Variants in STXBP5L observed in about 807,000 individuals in gnomAD.
The protein encoded by STXBP5L is syntaxin binding protein 5L.
A neutral mutation model predicts 144.5 loss-of-function variants in STXBP5L; 65 were observed. The ratio of observed to expected loss-of-function variants is 0.45; its 90% confidence interval spans 0.37 to 0.55. The LOEUF is 0.55. STXBP5L is among the 20% of genes least tolerant of loss of function. The pLI is 0.00. For synonymous variants in STXBP5L, 505 were observed against 469.6 expected (o/e 1.08, Z -0.97); for missense variants, 1,298 against 1,405.5 (o/e 0.92, Z 1.22).
chr3:121,352,357 A>C (rs967961661), intron 20 of STXBP5L, among the ~76,000 whole-genome samples: 6 of 151,946 alleles, frequency 3.9e-5, no homozygotes, highest in South Asian at 2.1e-4. Context: ...TCTTTATTTC[A>C]TTGAGCAGTG....
chr3:121,288,688 CATTT>C, intron 19 of STXBP5L, among the ~76,000 whole-genome samples: 1 of 151,940 alleles, frequency 6.6e-6, no homozygotes, highest in African/African-American at 2.4e-5. Flanking sequence ...TTAATAAAAT[CATTT>C]TTTTTGTTAC....
At chr3:121,106,814 G>T (rs1489374507) in intron 5 of STXBP5L, among the ~76,000 whole-genome samples, 3 of 151,884 alleles carry the variant, frequency 2.0e-5, no homozygotes, top group South Asian at 2.1e-4. Flanking sequence ...TTGAGGAATT[G>T]TCACACTGTC....
intron 3 of STXBP5L, among the ~76,000 whole-genome samples, chr3:121,040,620 T>G (rs1426401625): frequency 6.6e-6 from 1 of 152,062 alleles, no homozygotes; most frequent in Non-Finnish European, 1.5e-5. Context: ...TGTCACATTT[T>G]CTTCTTTGCT....
chr3:121,168,305 G>A (rs577496580), intron 9 of STXBP5L, among the ~76,000 whole-genome samples: 8 of 152,200 alleles, frequency 5.3e-5, no homozygotes, highest in East Asian at 3.9e-4. Flanking sequence ...ACAACACCTC[G>A]CTAGCAAGGG....
intron 5 of STXBP5L, among the ~76,000 whole-genome samples, chr3:121,083,331 G>T (rs568226239): frequency 6.6e-6 from 1 of 152,064 alleles, no homozygotes; most frequent in Admixed American, 6.6e-5. Flanking sequence ...AAATTTGAAC[G>T]TTTTCCCTCT....
At chr3:121,309,444 G>T (rs2043452880) in intron 19 of STXBP5L, among the ~76,000 whole-genome samples, 1 of 151,972 alleles carries the variant, frequency 6.6e-6, no homozygotes, top group Non-Finnish European at 1.5e-5. Flanking sequence ...ATCAAGATGA[G>T]ACAATAATTA....
At chr3:121,149,537 A>C (rs2107974199) in intron 7 of STXBP5L, among the ~76,000 whole-genome samples, 1 of 152,188 alleles carries the variant, frequency 6.6e-6, no homozygotes, top group Non-Finnish European at 1.5e-5. Context: ...AAAATAAAGT[A>C]GTCTCTATTT....
intron 3 of STXBP5L, among the ~76,000 whole-genome samples, chr3:120,959,626 A>G (rs980444433): frequency 6.6e-6 from 1 of 152,226 alleles, no homozygotes; most frequent in African/African-American, 2.4e-5. Flanking sequence ...ATCTTTGACA[A>G]ATCTGACAAA....
rs537461128 is a variant in STXBP5L at position 121,045,546 on chromosome 3, A to G, written c.470+11A>G. The G allele has an allele frequency of 2.7e-5, 43 of 1,598,712 alleles. No homozygotes were observed. Among genetic ancestry groups the G allele is most frequent in the Admixed American group, 8.9e-5 (5 of 56,450 alleles). On this transcript the variant is annotated intron_variant, in intron 5 of 26. Transcript: ENST00000471454. ...ATTTAACCGGGAACGGTAAGAACCTATGAATTAAACAATTTCTTAATGTAC... is the reference window on the plus strand; with the variant it reads ...ATTTAACCGGGAACGGTAAGAACCTGTGAATTAAACAATTTCTTAATGTAC...
In STXBP5L at chr3:121,419,338, T is replaced by C. The variant is rs1324342198; in HGVS notation, c.*241T>C. 7.6e-6 allele frequency: 3 copies of C among 394,970 alleles called. No homozygotes were observed. Among genetic ancestry groups the C allele is most frequent in the Non-Finnish European group, 8.9e-6 (2 of 223,718 alleles). 24.5% of individuals were successfully genotyped at this position (394,970 alleles called of 1,614,324 possible). A position where few individuals can be genotyped will look rare whatever the true frequency, so the allele number is the denominator to read the frequency against. On this transcript the variant is annotated 3_prime_UTR_variant, in exon 27 of 27. Coordinates refer to ENST00000471454, the MANE Select transcript of STXBP5L (RefSeq NM_001308330.2). Reference sequence around the variant, plus strand: ...TTTCCCATGTGGAATGGAGCTATCATCTTGGCATGTCATTCGATAAGGATT... The same window carrying C: ...TTTCCCATGTGGAATGGAGCTATCACCTTGGCATGTCATTCGATAAGGATT...
At chr3:121,277,725 G>T (rs1049775768) in intron 18 of STXBP5L, among the ~76,000 whole-genome samples, 1 of 150,878 alleles carries the variant, frequency 6.6e-6, no homozygotes, top group South Asian at 2.1e-4. Flanking sequence ...GTGGTATTTT[G>T]TGCCTTTTTT....
chr3:121,381,740 T>C (rs967775146), intron 22 of STXBP5L, among the ~76,000 whole-genome samples: 10 of 152,246 alleles, frequency 6.6e-5, no homozygotes, highest in Admixed American at 2.0e-4. Context: ...AACCATTTCT[T>C]CGGTAGTAAA....
chr3:121,160,601 A>AG (rs2046288061), intron 9 of STXBP5L, among the ~76,000 whole-genome samples: 1 of 152,062 alleles, frequency 6.6e-6, no homozygotes, highest in African/African-American at 2.4e-5. Context: ...TGGGTATAGG[A>AG]GGGGGAGTCC....
intron 10 of STXBP5L, among the ~76,000 whole-genome samples, chr3:121,211,137 G>A (rs899936304): frequency 1.4e-4 from 21 of 152,238 alleles, no homozygotes; most frequent in African/African-American, 4.6e-4. Context: ...TCCTTGAAGA[G>A]GTCCTTGACA....
intron 20 of STXBP5L, among the ~76,000 whole-genome samples, chr3:121,353,741 C>T (rs895132887): frequency 2.6e-5 from 4 of 152,004 alleles, no homozygotes; most frequent in African/African-American, 7.3e-5. Context: ...AATTTGTTTC[C>T]TCTTGCTTCT....
intron 20 of STXBP5L, among the ~76,000 whole-genome samples, chr3:121,349,444 G>T (rs1263662489): frequency 6.6e-6 from 1 of 151,970 alleles, no homozygotes; most frequent in South Asian, 2.1e-4. Context: ...GTTGATTTGG[G>T]GTGGAGAGTT....
chr3:121,096,853 G>A (rs543977344), intron 5 of STXBP5L, among the ~76,000 whole-genome samples: 198 of 152,236 alleles, frequency 1.3e-3, no homozygotes, highest in African/African-American at 4.7e-3. Flanking sequence ...CAGTCTGATG[G>A]TTAGTATAGC....
intron 10 of STXBP5L, among the ~76,000 whole-genome samples, chr3:121,207,022 G>GAA (rs1231116818): frequency 6.6e-5 from 10 of 152,126 alleles, no homozygotes; most frequent in Non-Finnish European, 1.5e-4. Context: ...TATACTGAAT[G>GAA]TTTGTTTATA....
At chr3:120,965,115 T>C (rs1939397619) in intron 3 of STXBP5L, among the ~76,000 whole-genome samples, 1 of 152,186 alleles carries the variant, frequency 6.6e-6, no homozygotes, top group Non-Finnish European at 1.5e-5. Flanking sequence ...TTTGCTTGTT[T>C]GTTTTCCATT....
Sources: allele counts gnomAD v4.1 joint callset (sites outside exome capture counted in the v4.1 genomes callset), GRCh38; gene constraint gnomAD v4.1.1; transcripts MANE v1.5; gene names NCBI Gene and HGNC (gene_info 2026-07-23, HGNC 2026-07-21).